CYP26C1: variants seen among roughly 807,000 people sequenced by gnomAD.
CYP26C1 encodes the protein cytochrome P450 26C1.
In CYP26C1, 41 loss-of-function variants were observed where a neutral mutation model predicts 39.1. The ratio of observed to expected loss-of-function variants is 1.05; its 90% CI spans 0.82 to 1.36. The LOEUF (loss-of-function observed/expected upper bound fraction) is 1.36. Ranked by LOEUF, CYP26C1 falls within the 40% of genes most tolerant of loss-of-function variation. The pLI, the probability that CYP26C1 is intolerant of heterozygous loss-of-function variation, is 0.00. For synonymous variants in CYP26C1, 362 were observed against 350.8 expected (o/e 1.03, Z -0.36); for missense variants, 833 against 752.0 (o/e 1.11, Z -1.26).
At position 93,061,247 on chromosome 10, in the gene CYP26C1, G is replaced by A; in HGVS notation, c.-17G>A. 3 of 1,552,488 alleles carry A rather than the reference G, an allele frequency of 1.9e-6. No homozygotes were observed. Among genetic ancestry groups the A allele is most frequent in the Non-Finnish European group, 2.6e-6 (3 of 1,151,160 alleles). ...CTCTCCCTGCGCTCTGAGCGGCCTG[G>A]CCCCCGCGGGCTCATCATGTTCCCT... On this transcript the variant is annotated 5_prime_UTR_variant, in exon 1 of 6. Transcript: ENST00000651965.
At position 93,064,463 on chromosome 10, in the gene CYP26C1, C is replaced by T. The variant is rs139941424; in HGVS notation, c.788C>T (p.Pro263Leu). 1.4e-5 allele frequency: 23 copies of T among 1,614,124 alleles called. No homozygotes were observed. In the African/African-American group the frequency reaches 1.7e-4, roughly 12 times the overall value. Reference sequence around the variant, plus strand: ...CTTCACGAGGACAAGGCTGCAGAGCCGGGTGATGCCCTCGACCTAATCATT... The same window carrying T: ...CTTCACGAGGACAAGGCTGCAGAGCTGGGTGATGCCCTCGACCTAATCATT... ...EKLHEDKAAEPGDALDLIIHS... is the reference protein window; with the variant it reads ...EKLHEDKAAELGDALDLIIHS... Residue 263 changes from proline (P) to leucine (L), a missense_variant, in exon 4 of 6, where the codon CCG becomes CTG. Physicochemically the swap from Pro to Leu is moderately conservative, Grantham distance 98. Transcript: ENST00000651965.
chr10:93,067,246 C>T (rs1304100964), intron 5 of CYP26C1, among the ~76,000 whole-genome samples: 1 of 152,264 alleles, frequency 6.6e-6, no homozygotes, highest in African/African-American at 2.4e-5. Context: ...ACAGCCTCAT[C>T]CCACTTGTAG....
At position 93,060,843 on chromosome 10, in the gene CYP26C1, G is replaced by GT; in HGVS notation, c.-421_-420insT. The GT allele has an allele frequency of 9.2e-6, 2 of 216,792 alleles. No homozygotes were observed. Among genetic ancestry groups the GT allele is most frequent in the Non-Finnish European group, 1.8e-5 (2 of 109,994 alleles). 13.4% of individuals were successfully genotyped at this position (216,792 alleles called of 1,614,324 possible). On this transcript the variant is annotated 5_prime_UTR_variant, in exon 1 of 6. Transcript: ENST00000651965. ...GGGACAGGTGGGGCGGGGGTCTGCA[G>GT]ACCAGGTTGGCAACACTGGTGAGTT...
In CYP26C1 at chr10:93,068,797, T is replaced by G; in HGVS notation, c.*100T>G. ...ATTGTAGCGTCGCGCGCCCACTCTTTCACTCGTTCAACAATCTTTCAACAA... is the reference window on the plus strand; with the variant it reads ...ATTGTAGCGTCGCGCGCCCACTCTTGCACTCGTTCAACAATCTTTCAACAA... On this transcript the variant is annotated 3_prime_UTR_variant, in exon 6 of 6. Transcript: ENST00000651965. 14 of 1,414,636 alleles carry G rather than the reference T, an allele frequency of 9.9e-6. No homozygotes were observed. The highest frequency in any genetic ancestry group is 1.3e-5 in the Non-Finnish European group (14 of 1,081,170). The allele number at this position is 1,414,636 out of a possible 1,614,324, so 87.6% of individuals were successfully genotyped here. A position where few individuals can be genotyped will look rare whatever the true frequency, so the allele number is the denominator to read the frequency against.
intron 4 of CYP26C1, chr10:93,064,877 C>A: frequency 2.0e-6 from 2 of 983,574 alleles, no homozygotes; most frequent in South Asian, 4.7e-5. Context: ...TGTCCCCCTG[C>A]CTACAAAGCC....
rs773148398 is a variant in CYP26C1, at chr10:93,062,977, C to A, written c.687C>A (p.Pro229=). The change falls in exon 3 of 6, where the codon CCC becomes CCA. Residue 229 remains proline, a synonymous_variant. Transcript: ENST00000651965. ...ENLFSLPLDV[P]FSGLRKGIRA... ...TCTTCTCACTGCCTCTGGACGTTCC[C>A]TTCAGTGGCCTACGCAAGGTACGGC... 2.0e-5 allele frequency: 32 copies of A among 1,585,114 alleles called. No homozygotes were observed. Among genetic ancestry groups the A allele is most frequent in the Non-Finnish European group, 2.6e-5 (30 of 1,168,622 alleles).
Position 93,068,392 on chromosome 10 carries a change from C to G in CYP26C1, c.1264C>G (p.Arg422Gly). The G allele has an allele frequency of 1.2e-6, 2 of 1,606,116 alleles. No homozygotes were observed. The highest frequency in any genetic ancestry group is 1.7e-6 in the Non-Finnish European group (2 of 1,177,202). The change falls in exon 6 of 6, where the codon CGC becomes GGC. Residue 422 changes from arginine to glycine, a missense_variant. By Grantham distance (125) the Arg-to-Gly change is moderately radical (BLOSUM62 -2). Coordinates refer to ENST00000651965, the MANE Select transcript of CYP26C1 (RefSeq NM_183374.3). Reference sequence around the variant, plus strand: ...CACGCACGAGACGGCTGCGGTGTACCGCAGCCCTCCCGAAGGCTTCGATCC... The same window carrying G: ...CACGCACGAGACGGCTGCGGTGTACGGCAGCCCTCCCGAAGGCTTCGATCC... ...RDTHETAAVY[R>G]SPPEGFDPER...
intron 1 of CYP26C1, 83 bp downstream of exon 1, chr10:93,061,550 A>G: frequency 4.7e-6 from 7 of 1,490,130 alleles, no homozygotes; most frequent in Non-Finnish European, 6.4e-6. Context: ...CTCAATGCCC[A>G]TGGGATTTGT....
At chr10:93,063,732 AT>A in intron 3 of CYP26C1, 1 of 983,240 alleles carries the variant, frequency 1.0e-6, no homozygotes, top group Non-Finnish European at 1.2e-6. Flanking sequence ...TATGATTCTC[AT>A]TTTATTGGCC....
chr10:93,062,003 C>G lies in CYP26C1; in HGVS notation c.205-7C>G. On this transcript the variant is annotated splice_region_variant and splice_polypyrimidine_tract_variant and intron_variant, in intron 1 of 5. Coordinates refer to ENST00000651965, the MANE Select transcript of CYP26C1 (RefSeq NM_183374.3). Reference sequence around the variant, plus strand: ...TTCCAGCTCTCCACCCTCCGCCTCGCCCGCAGGGCTCGCGCTTCCACAGTT... The same window carrying G: ...TTCCAGCTCTCCACCCTCCGCCTCGGCCGCAGGGCTCGCGCTTCCACAGTT... The G allele has an allele frequency of 1.3e-6, 2 of 1,555,044 alleles. No individual in the cohort carries two copies. Among genetic ancestry groups the G allele is most frequent in the Non-Finnish European group, 1.7e-6 (2 of 1,149,066 alleles).
In CYP26C1 at chr10:93,069,201, A is replaced by G. The variant is rs1846866665; in HGVS notation, c.*504A>G. ...GGCCTGGCTTTGGGCCATAGAAAAA[A>G]CACGCAGAGGATGCCTGACGGAAGG... is the stretch of plus-strand genomic sequence containing the variant. On this transcript the variant is annotated 3_prime_UTR_variant, in exon 6 of 6. Coordinates refer to ENST00000651965, the MANE Select transcript of CYP26C1 (RefSeq NM_183374.3). The G allele has an allele frequency of 3.3e-5, 5 of 152,652 alleles. No homozygotes were observed. The South Asian group carries it at 1.0e-3, about 32-fold the overall frequency. 9.5% of individuals were successfully genotyped at this position (152,652 alleles called of 1,614,324 possible). A position where few individuals can be genotyped will look rare whatever the true frequency, so the allele number is the denominator to read the frequency against.
chr10:93,064,586 GTCCCTACACCAATGCTGCA>G, intron 4 of CYP26C1, 50 bp downstream of exon 4: 1 of 1,579,656 alleles, frequency 6.3e-7, no homozygotes, highest in East Asian at 2.3e-5. Context: ...TTCCCAGCAG[GTCCCTACACCAATGCTGCA>G]TCCCCAGAGC....
chr10:93,066,357 C>A (rs1333509563), intron 5 of CYP26C1, 72 bp downstream of exon 5: 2 of 776,410 alleles, frequency 2.6e-6, no homozygotes, highest in South Asian at 5.0e-5. Context: ...CTGCCGCCTG[C>A]CGCGGCGGCG....
intron 1 of CYP26C1, 43 bp downstream of exon 1, chr10:93,061,510 T>TC: frequency 6.5e-7 from 1 of 1,543,892 alleles, no homozygotes; most frequent in Non-Finnish European, 8.7e-7. Context: ...GGTCCCTTCT[T>TC]CCCCCGGCTC....
At position 93,068,754 on chromosome 10, in the gene CYP26C1, AC is replaced by A; in HGVS notation, c.*60del. ...GTGGCTATGGCGCGCACGCAGCGCCACCCATCTGCCGCTCCCCATTGTAGCG... is the reference window on the plus strand; with the variant it reads ...GTGGCTATGGCGCGCACGCAGCGCCACCATCTGCCGCTCCCCATTGTAGCG... On this transcript the variant is annotated 3_prime_UTR_variant, in exon 6 of 6. Coordinates refer to ENST00000651965, the MANE Select transcript of CYP26C1 (RefSeq NM_183374.3). 6.9e-7 allele frequency: 1 copy of A among 1,457,554 alleles called. No homozygotes were observed. Among genetic ancestry groups the A allele is most frequent in the East Asian group, 2.5e-5 (1 of 39,276 alleles). The allele number at this position is 1,457,554 out of a possible 1,614,324, so 90.3% of individuals were successfully genotyped here.
Position 93,062,796 on chromosome 10 carries a change from T to C in CYP26C1, c.506T>C (p.Val169Ala), listed in dbSNP as rs1320445869. The C allele has an allele frequency of 5.2e-6, 8 of 1,542,100 alleles. No individual in the cohort carries two copies. Among genetic ancestry groups the C allele is most frequent in the Non-Finnish European group, 7.0e-6 (8 of 1,150,856 alleles). The change falls in exon 3 of 6, where the codon GTG becomes GCG. Residue 169 changes from valine (V) to alanine (A), a missense_variant. Val to Ala is a moderately conservative substitution (Grantham distance 64, BLOSUM62 0). Transcript: ENST00000651965. ...PRLQGALRHE[V>A]RSWCAAGGPV... Reference sequence around the variant, plus strand: ...CTGCAGGGGGCGCTGCGGCATGAGGTGCGCTCCTGGTGCGCGGCGGGCGGG... The same window carrying C: ...CTGCAGGGGGCGCTGCGGCATGAGGCGCGCTCCTGGTGCGCGGCGGGCGGG...
At position 93,062,811 on chromosome 10, in the gene CYP26C1, CGGCG is replaced by C. The variant is rs773146907; in HGVS notation, c.529_532del (p.Gly177ArgfsTer92). Reference sequence around the variant, plus strand: ...CGGCATGAGGTGCGCTCCTGGTGCGCGGCGGGCGGGCCGGTCTCAGTCTACGACG... The same window carrying C: ...CGGCATGAGGTGCGCTCCTGGTGCGCGGCGGGCCGGTCTCAGTCTACGACG... On this transcript the variant is annotated frameshift_variant, in exon 3 of 6. Coordinates refer to ENST00000651965, the MANE Select transcript of CYP26C1 (RefSeq NM_183374.3). LOFTEE classifies it high-confidence loss of function. 4 of 1,555,110 alleles carry C rather than the reference CGGCG, an allele frequency of 2.6e-6. No homozygotes were observed. Among genetic ancestry groups the C allele is most frequent in the African/African-American group, 1.4e-5 (1 of 73,266 alleles).
chr10:93,063,093 C>A, intron 3 of CYP26C1, 98 bp downstream of exon 3: 2 of 1,471,574 alleles, frequency 1.4e-6, no homozygotes, highest in South Asian at 2.8e-5. Flanking sequence ...CCCGCGCGTC[C>A]GTCACCTCTG....
chr10:93,066,487 C>G (rs542731226), intron 5 of CYP26C1, among the ~76,000 whole-genome samples: 9 of 152,352 alleles, frequency 5.9e-5, no homozygotes, highest in Admixed American at 2.0e-4. Flanking sequence ...GGATCCCCCG[C>G]TGAGGGACGC....
Sources: gnomAD v4.1 joint callset for allele counts (sites outside exome capture counted in the v4.1 genomes callset) on GRCh38, gnomAD v4.1.1 for gene constraint, MANE v1.5 for transcripts, NCBI Gene and HGNC (gene_info 2026-07-23, HGNC 2026-07-21) for gene names.